R3HDM1: variants seen among roughly 807,000 people sequenced by gnomAD.
R3HDM1 encodes R3H domain-containing protein 1.
A neutral mutation model predicts 141.1 loss-of-function variants in R3HDM1; 46 were observed. The ratio of observed to expected loss-of-function variants is 0.33; its 90% CI spans 0.26 to 0.42. The LOEUF is 0.42. R3HDM1 is among the 10% of genes least tolerant of loss of function. The pLI, the probability that R3HDM1 is intolerant of heterozygous loss-of-function variation, is 1.00. For synonymous variants in R3HDM1, 435 were observed against 472.9 expected, an observed-to-expected ratio of 0.92 and a Z score of 1.04; for missense variants, 1,184 against 1,368.3, an observed-to-expected ratio of 0.87 and a Z score of 2.12.
intron 1 of R3HDM1, among the ~76,000 whole-genome samples, chr2:135,537,219 C>G (rs1039967430): frequency 7.4e-6 from 1 of 135,216 alleles, no homozygotes; most frequent in Non-Finnish European, 1.6e-5. Context: ...AGTCAAAATT[C>G]TTTGTACGTG....
At chr2:135,626,758 T>C (rs772838549) in intron 7 of R3HDM1, among the ~76,000 whole-genome samples, 3 of 152,176 alleles carry the variant, frequency 2.0e-5, no homozygotes, top group Non-Finnish European at 2.9e-5. Context: ...TATAGAACTT[T>C]TTCATTGCCC....
chr2:135,626,185 G>T (rs906983093), intron 7 of R3HDM1, among the ~76,000 whole-genome samples: 2 of 144,366 alleles, frequency 1.4e-5, no homozygotes, highest in African/African-American at 5.5e-5. Flanking sequence ...GCTTGCTTGC[G>T]TGCGTGCGTG....
At chr2:135,535,355 A>G (rs963178905) in intron 1 of R3HDM1, among the ~76,000 whole-genome samples, 5 of 151,868 alleles carry the variant, frequency 3.3e-5, no homozygotes, top group African/African-American at 1.2e-4. Flanking sequence ...AAAAATTAGT[A>G]GGGCGTGTTG....
chr2:135,592,743 T>A (rs1290786227), intron 1 of R3HDM1, among the ~76,000 whole-genome samples: 1 of 151,868 alleles, frequency 6.6e-6, no homozygotes, highest in Non-Finnish European at 1.5e-5. Flanking sequence ...CATGTAGTTT[T>A]TTATTATTTT....
rs149502481 is a variant in R3HDM1, at chr2:135,686,985, G to A, written c.2459+6661G>A. Reference sequence around the variant, plus strand: ...AGGCCAAGGCAGGTGGATCACCTGAGGTCAGGAGTGTACACCAGCCTGGCC... The same window carrying A: ...AGGCCAAGGCAGGTGGATCACCTGAAGTCAGGAGTGTACACCAGCCTGGCC... On this transcript the variant is annotated intron_variant, in intron 21 of 26. Transcript: ENST00000683871. Among the ~76,000 whole-genome samples the A allele has an allele frequency of 4.3e-3, 652 of 152,304 alleles. 9 individuals are homozygous for A. The highest frequency in any genetic ancestry group is 8.0e-3 in the Non-Finnish European group (547 of 68,022).
At chr2:135,618,898 T>G (rs1329057493) in intron 5 of R3HDM1, among the ~76,000 whole-genome samples, 1 of 151,806 alleles carries the variant, frequency 6.6e-6, no homozygotes, top group Non-Finnish European at 1.5e-5. Context: ...CACACGCCTG[T>G]AATCCCAGCT....
intron 19 of R3HDM1, among the ~76,000 whole-genome samples, chr2:135,668,093 A>G (rs1473861739): frequency 6.6e-6 from 1 of 152,246 alleles, no homozygotes; most frequent in African/African-American, 2.4e-5. Context: ...TGTCTTACAT[A>G]GGCAAGAGTA....
chr2:135,707,958 A>C (rs2075149208), intron 21 of R3HDM1, among the ~76,000 whole-genome samples: 1 of 152,216 alleles, frequency 6.6e-6, no homozygotes, highest in Non-Finnish European at 1.5e-5. Flanking sequence ...AATTCTTATT[A>C]ACTGTCAGCC....
chr2:135,667,854 A>T, intron 19 of R3HDM1: 6 of 797,298 alleles, frequency 7.5e-6, no homozygotes, highest in African/African-American at 1.9e-5. Context: ...TTGTCTGAAT[A>T]ATTAGACAAG....
intron 23 of R3HDM1, among the ~76,000 whole-genome samples, chr2:135,713,462 A>G (rs1380273379): frequency 1.3e-5 from 2 of 152,218 alleles, no homozygotes; most frequent in African/African-American, 4.8e-5. Context: ...TTTGATCCAC[A>G]GATATGCTTC....
At position 135,647,703 on chromosome 2, in the gene R3HDM1, A is replaced by G. The variant is rs1208476808; in HGVS notation, c.1623+2176A>G. Among the ~76,000 whole-genome samples, 5 of 152,340 alleles carry G rather than the reference A, an allele frequency of 3.3e-5. No individual in the cohort carries two copies. In the East Asian group the frequency reaches 9.6e-4, roughly 29 times the overall value. ...TTGCACAATCTGAAATAATTTATCA[A>G]TGAGATTGCAAATAACCAAACAAAA... On this transcript the variant is annotated intron_variant, in intron 16 of 26. Coordinates refer to ENST00000683871, the MANE Select transcript of R3HDM1 (RefSeq NM_001378107.1).
At chr2:135,703,933 T>C (rs1241648312) in intron 21 of R3HDM1, among the ~76,000 whole-genome samples, 1 of 152,210 alleles carries the variant, frequency 6.6e-6, no homozygotes, top group East Asian at 1.9e-4. Context: ...TTCCAGAGAC[T>C]ACAAGCCTAG....
At chr2:135,621,424 AAT>A (rs1164315581) in intron 5 of R3HDM1, 68 bp from the exon 6 acceptor site, 2 of 965,498 alleles carry the variant, frequency 2.1e-6, no homozygotes, top group Non-Finnish European at 3.0e-6. Context: ...TTACTCAAAA[AAT>A]ATAAATGTGT....
At chr2:135,549,588 C>T (rs904163025) in intron 1 of R3HDM1, among the ~76,000 whole-genome samples, 1 of 119,050 alleles carries the variant, frequency 8.4e-6, no homozygotes, top group East Asian at 2.6e-4. Flanking sequence ...AAAACAAAAA[C>T]AAAATGGGGT....
chr2:135,670,966 G>A (rs766348746), intron 19 of R3HDM1, among the ~76,000 whole-genome samples: 2 of 151,924 alleles, frequency 1.3e-5, no homozygotes, highest in African/African-American at 2.4e-5. Flanking sequence ...GGCTAAAACA[G>A]GAGAGTCGTT....
chr2:135,577,414 C>CAAAAAAAAAAAAAAAAA (rs35038268), intron 1 of R3HDM1, among the ~76,000 whole-genome samples: 1 of 15,806 alleles, frequency 6.3e-5, no homozygotes, highest in African/African-American at 1.6e-4. Context: ...ATTAAATGAC[C>CAAAAAAAAAAAAAAAAA]AAAAAAAAAA....
At chr2:135,638,695 C>T in intron 12 of R3HDM1, 40 bp downstream of exon 12, 1 of 1,611,814 alleles carries the variant, frequency 6.2e-7, no homozygotes, top group East Asian at 2.2e-5. Context: ...AATTGTCTGA[C>T]TGATGCTAAT....
In R3HDM1 at chr2:135,547,633, G is replaced by A. The variant is rs933738627; in HGVS notation, c.-250+16000G>A. On this transcript the variant is annotated intron_variant, in intron 1 of 26. Transcript: ENST00000683871. ...CCCTACTAGGTTGAATCAACTGTTT[G>A]CTGAATCTTATGGCTCCTTCTCTTG... 1.0e-3 allele frequency among the ~76,000 whole-genome samples: 155 copies of A among 151,912 alleles called. 2 individuals carry two copies. The highest frequency in any genetic ancestry group is 3.5e-3 in the African/African-American group (147 of 41,446).
chr2:135,681,000 A>G (rs903614812), intron 21 of R3HDM1, among the ~76,000 whole-genome samples: 1 of 152,144 alleles, frequency 6.6e-6, no homozygotes, highest in African/African-American at 2.4e-5. Flanking sequence ...TTGCTGGAAT[A>G]TTTCAGGCTT....
Sources: allele counts gnomAD v4.1 joint callset (sites outside exome capture counted in the v4.1 genomes callset), GRCh38; gene constraint gnomAD v4.1.1; transcripts MANE v1.5; gene names NCBI Gene and HGNC (gene_info 2026-07-23, HGNC 2026-07-21).